Variants in CERK observed in about 807,000 individuals in gnomAD.
CERK encodes the protein acylsphingosine kinase.
CERK carries 39 observed loss-of-function variants against 63.4 expected under a neutral mutation model. The observed-to-expected ratio is 0.61, with a 90% CI of 0.48 to 0.80. CERK has a LOEUF of 0.80. Among genes scored for constraint, CERK ranks in the 30% least tolerant of loss-of-function variants. CERK has a pLI of 0.00. For synonymous variants in CERK, 302 were observed against 280.0 expected (o/e 1.08, Z -0.78); for missense variants, 670 against 714.1 (o/e 0.94, Z 0.70).
chr22:46,706,284 G>A (rs900902024), intron 6 of CERK, among the ~76,000 whole-genome samples: 2 of 152,312 alleles, frequency 1.3e-5, no homozygotes, highest in East Asian at 1.9e-4. Context: ...CTCCCGAGCC[G>A]TCTGCTCCCG....
rs1191791829 is a variant in CERK at position 46,702,073 on chromosome 22, C to G, written c.716-363G>C. Among the ~76,000 whole-genome samples, 8 of 149,420 alleles carry G rather than the reference C, an allele frequency of 5.4e-5. No individual in the cohort carries two copies. In the South Asian group the frequency reaches 1.5e-3, roughly 28 times the overall value. ...GCATGCACCTATAATACCAGCTCCT[C>G]AGGAGGCTAAAGCAGGAGAATCGCT... On this transcript the variant is annotated intron_variant, in intron 6 of 12. Transcript: ENST00000216264.
chr22:46,724,496 G>T (rs1264854295), intron 1 of CERK, among the ~76,000 whole-genome samples: 1 of 152,154 alleles, frequency 6.6e-6, no homozygotes, highest in Non-Finnish European at 1.5e-5. Flanking sequence ...GAGTGGTGCG[G>T]CCATGGTGGG....
intron 3 of CERK, among the ~76,000 whole-genome samples, chr22:46,713,434 G>A (rs1372353922): frequency 8.6e-5 from 13 of 150,972 alleles, no homozygotes; most frequent in African/African-American, 2.0e-4. Context: ...GCATGAACCC[G>A]GGAGGCGGAG....
intron 1 of CERK, among the ~76,000 whole-genome samples, chr22:46,723,944 C>T (rs1281526708): frequency 3.3e-5 from 5 of 152,060 alleles, no homozygotes; most frequent in African/African-American, 4.8e-5. Context: ...GTGATCTGCC[C>T]GCCTCGGCCT....
intron 3 of CERK, among the ~76,000 whole-genome samples, chr22:46,713,453 G>A (rs1230387281): frequency 5.6e-5 from 8 of 142,624 alleles, no homozygotes; most frequent in Non-Finnish European, 1.2e-4. Context: ...AGCTGGCAGT[G>A]AGCCAAGGTC....
chr22:46,732,157 G>A (rs1240805292), intron 1 of CERK, among the ~76,000 whole-genome samples: 2 of 152,118 alleles, frequency 1.3e-5, no homozygotes, highest in African/African-American at 2.4e-5. Context: ...CAGCCGAATC[G>A]AGAACCCAGC....
chr22:46,722,908 T>C (rs977329089), intron 1 of CERK, among the ~76,000 whole-genome samples: 2 of 151,998 alleles, frequency 1.3e-5, no homozygotes, highest in African/African-American at 4.8e-5. Flanking sequence ...TTCAGAGGAT[T>C]CCCCGTGGGT....
intron 1 of CERK, among the ~76,000 whole-genome samples, chr22:46,727,813 C>A (rs971169727): frequency 6.9e-6 from 1 of 145,038 alleles, no homozygotes; most frequent in East Asian, 2.1e-4. Flanking sequence ...GCCGCCCCAA[C>A]ACTCCCCTGG....
chr22:46,706,435 G>A (rs951334073), intron 6 of CERK, among the ~76,000 whole-genome samples: 3 of 152,144 alleles, frequency 2.0e-5, no homozygotes, highest in African/African-American at 7.2e-5. Flanking sequence ...TAATGCTTTG[G>A]TTTATCTGAG....
intron 3 of CERK, among the ~76,000 whole-genome samples, chr22:46,716,099 A>G (rs1417120940): frequency 3.3e-5 from 5 of 152,034 alleles, no homozygotes; most frequent in African/African-American, 1.2e-4. Context: ...CTGAGGCAGA[A>G]GCATTGCTTG....
At chr22:46,702,591 C>T (rs1241037362) in intron 6 of CERK, among the ~76,000 whole-genome samples, 9 of 152,156 alleles carry the variant, frequency 5.9e-5, no homozygotes, top group Non-Finnish European at 2.9e-5. Flanking sequence ...ACCTGGCCCT[C>T]GTAAACTTCT....
chr22:46,728,126 G>A (rs1187096483), intron 1 of CERK, among the ~76,000 whole-genome samples: 2 of 152,138 alleles, frequency 1.3e-5, no homozygotes, highest in Non-Finnish European at 2.9e-5. Flanking sequence ...GACACCCGCA[G>A]AACTGAAGTC....
intron 6 of CERK, among the ~76,000 whole-genome samples, chr22:46,701,943 G>A (rs1263246851): frequency 6.6e-6 from 1 of 152,140 alleles, no homozygotes; most frequent in Non-Finnish European, 1.5e-5. Context: ...CACTTTGAGA[G>A]GCCGAGGTGG....
chr22:46,730,972 A>C (rs1355608526), intron 1 of CERK, among the ~76,000 whole-genome samples: 1 of 152,230 alleles, frequency 6.6e-6, no homozygotes, highest in Non-Finnish European at 1.5e-5. Context: ...CCCCAGAAAA[A>C]AACGGGCCCA....
chr22:46,702,527 G>A (rs186125775), intron 6 of CERK, among the ~76,000 whole-genome samples: 3,487 of 152,218 alleles, frequency 0.023, 57 homozygotes, highest in Non-Finnish European at 0.031. Context: ...TGTTGACCTC[G>A]TGATCCGCCC....
intron 6 of CERK, among the ~76,000 whole-genome samples, chr22:46,704,269 C>G (rs940249689): frequency 9.2e-5 from 14 of 152,234 alleles, no homozygotes; most frequent in Admixed American, 7.2e-4. Flanking sequence ...AGCCGCAGGT[C>G]TCAGCTCCTG....
chr22:46,737,933 C>A (rs2082983600), intron 1 of CERK, 74 bp downstream of exon 1: 2 of 1,057,802 alleles, frequency 1.9e-6, no homozygotes, highest in Non-Finnish European at 2.3e-6. Context: ...CACCCGGTCC[C>A]CCCAGCCGGG....
rs543924714 is a variant in CERK at position 46,734,498 on chromosome 22, C to T, written c.142+3509G>A. ...CATTTACATGAAACTCTATTAGCAT[C>T]GTGCCTGTCCCTGGTGAGAAAACAG... On this transcript the variant is annotated intron_variant, in intron 1 of 12. Transcript: ENST00000216264. Among the ~76,000 whole-genome samples, 20 of 152,274 alleles carry T rather than the reference C, an allele frequency of 1.3e-4. 1 individual carries two copies. Among genetic ancestry groups the T allele is most frequent in the South Asian group, 4.1e-4 (2 of 4,824 alleles).
chr22:46,704,216 T>C (rs2082802418), intron 6 of CERK, among the ~76,000 whole-genome samples: 1 of 152,192 alleles, frequency 6.6e-6, no homozygotes, highest in Non-Finnish European at 1.5e-5. Flanking sequence ...ACCTCCACCC[T>C]GACCATGGTG....
Sources: gnomAD v4.1 joint callset for allele counts (sites outside exome capture counted in the v4.1 genomes callset) on GRCh38, gnomAD v4.1.1 for gene constraint, MANE v1.5 for transcripts, NCBI Gene and HGNC (gene_info 2026-07-23, HGNC 2026-07-21) for gene names.